The following ABHD16A variants were observed in gnomAD, a reference collection of about 807,000 sequenced individuals.
The protein encoded by ABHD16A is abhydrolase domain containing 16A, phospholipase, also known as phosphatidylserine lipase ABHD16A.
ABHD16A carries 47 observed loss-of-function variants against 89.8 expected under a neutral mutation model. That is an observed-to-expected ratio of 0.52 (90% CI 0.41 to 0.67). The LOEUF (loss-of-function observed/expected upper bound fraction) is 0.67. Among genes scored for constraint, ABHD16A ranks in the 30% least tolerant of loss-of-function variants. The pLI, the probability that ABHD16A is intolerant of heterozygous loss-of-function variation, is 0.00. For synonymous variants in ABHD16A, 251 were observed against 280.4 expected, an observed-to-expected ratio of 0.90 and a Z score of 1.05; for missense variants, 580 against 734.6, an observed-to-expected ratio of 0.79 and a Z score of 2.43.
At position 31,691,615 on chromosome 6, in the gene ABHD16A, G is replaced by A. The variant is rs1803884571; in HGVS notation, c.807C>T (p.Asp269=). 1.2e-6 allele frequency: 2 copies of A among 1,612,916 alleles called. No individual in the cohort carries two copies. The highest frequency in any genetic ancestry group is 8.5e-7 in the Non-Finnish European group (1 of 1,180,006). The change falls in exon 9 of 20, where the codon GAC becomes GAT. Residue 269 remains aspartate (D), a synonymous_variant. Coordinates refer to ENST00000395952, the MANE Select transcript of ABHD16A (RefSeq NM_021160.3). ...CCTGGGGCTCAGCTGTCCCCCGCCG[G>A]TCCACAAACATGGTGTCAATCTCAT... ...DGNEIDTMFV[D]RRGTAEPQGQ...
At chr6:31,694,537 C>T (rs1161634912) in intron 5 of ABHD16A, among the ~76,000 whole-genome samples, 1 of 151,994 alleles carries the variant, frequency 6.6e-6, no homozygotes, top group African/African-American at 2.4e-5. Context: ...CTACAGGTGC[C>T]TGCCACCACC....
rs774461373 is a variant in ABHD16A at position 31,689,713 on chromosome 6, G to A, written c.958-9C>T. 134 of 1,606,726 alleles carry A rather than the reference G, an allele frequency of 8.3e-5. No homozygotes were observed. Among genetic ancestry groups the A allele is most frequent in the Non-Finnish European group, 1.0e-4 (121 of 1,176,816 alleles). ...TGCGGGAATGGCACCCCCTGCAGGA[G>A]AAAGGGCAAAGTCAGGAGTGTGTCA... On this transcript the variant is annotated splice_polypyrimidine_tract_variant and intron_variant, in intron 11 of 19. Transcript: ENST00000395952.
Position 31,688,591 on chromosome 6 carries a change from G to A in ABHD16A, c.1250+132C>T. The A allele has an allele frequency of 9.1e-7, 1 of 1,096,604 alleles. No individual in the cohort carries two copies. Among genetic ancestry groups the A allele is most frequent in the Non-Finnish European group, 1.3e-6 (1 of 756,326 alleles). 67.9% of individuals were successfully genotyped at this position (1,096,604 alleles called of 1,614,324 possible). A position where few individuals can be genotyped will look rare whatever the true frequency, so the allele number is the denominator to read the frequency against. ...GAGGGGTTAGGCCAGTTGAGGTGGT[G>A]GCAGGGTCACTCAGGATGTGAGCCA... On this transcript the variant is annotated intron_variant, in intron 14 of 19. Coordinates refer to ENST00000395952, the MANE Select transcript of ABHD16A (RefSeq NM_021160.3). This position sits in a 1 kb window ranked among gnomAD's most constrained non-coding sequence, Gnocchi z 4.9.
intron 4 of ABHD16A, 44 bp from the exon 5 acceptor site, chr6:31,697,077 G>A: frequency 6.5e-7 from 1 of 1,548,614 alleles, no homozygotes; most frequent in Non-Finnish European, 8.9e-7. Flanking sequence ...AAACTGGGAA[G>A]CAGAAAGCCT....
At chr6:31,703,027 T>C in intron 1 of ABHD16A, 123 bp downstream of exon 1, 1 of 1,362,892 alleles carries the variant, frequency 7.3e-7, no homozygotes, top group Non-Finnish European at 9.5e-7. Flanking sequence ...GCGCAGATTT[T>C]GCGGATAACT....
intron 5 of ABHD16A, among the ~76,000 whole-genome samples, chr6:31,694,771 T>G (rs1372896315): frequency 6.6e-6 from 1 of 152,190 alleles, no homozygotes; most frequent in Non-Finnish European, 1.5e-5. Flanking sequence ...TTTTATTTTC[T>G]GCACAGAAAT....
At chr6:31,692,675 G>A in intron 7 of ABHD16A, 1 of 308,198 alleles carries the variant, frequency 3.2e-6, no homozygotes, top group Non-Finnish European at 6.1e-6. Context: ...ATAACAACAG[G>A]GCAGAGGGGC....
rs1336911021 is a variant in ABHD16A at position 31,687,761 on chromosome 6, C to T, written c.1448-21G>A. 6.2e-7 allele frequency: 1 copy of T among 1,612,896 alleles called. No homozygotes were observed. Among genetic ancestry groups the T allele is most frequent in the Admixed American group, 1.7e-5 (1 of 60,014 alleles). On this transcript the variant is annotated intron_variant, in intron 17 of 19. Coordinates refer to ENST00000395952, the MANE Select transcript of ABHD16A (RefSeq NM_021160.3). The surrounding 1 kb of genome is among the most constrained non-coding windows in gnomAD (Gnocchi z 6.3). ...TGAGGCTGGTCAGGGAGAGAGATGA[C>T]AGCCAGTCAGCAACCTGACCTTGCT...
In ABHD16A at chr6:31,690,247, A is replaced by C; in HGVS notation, c.908-120T>G. 1.0e-6 allele frequency: 1 copy of C among 957,304 alleles called. No individual in the cohort carries two copies. Among genetic ancestry groups the C allele is most frequent in the Non-Finnish European group, 1.5e-6 (1 of 649,272 alleles). The allele number at this position is 957,304 out of a possible 1,614,324, so 59.3% of individuals were successfully genotyped here. On this transcript the variant is annotated intron_variant, in intron 10 of 19. Transcript: ENST00000395952. This position sits in a 1 kb window ranked among gnomAD's most constrained non-coding sequence, Gnocchi z 4.1. The stretch of plus-strand genomic sequence containing the variant: ...GATGCAAATAACTCCAAGCCTTCCC[A>C]GAAATAGGAGATGACACCAGAGGTT...
In ABHD16A at chr6:31,697,009, T is replaced by A. The variant is rs775578492; in HGVS notation, c.368A>T (p.Gln123Leu). ...LRGIGRWTNP[Q>L]YRQFITILEA... Reference sequence around the variant, plus strand: ...CAAGATGGTGATGAACTGCCGGTACTGGGGGTTGGTCCAGCGGCCAATGCC... The same window carrying A: ...CAAGATGGTGATGAACTGCCGGTACAGGGGGTTGGTCCAGCGGCCAATGCC... Residue 123 changes from glutamine (Q) to leucine (L), a missense_variant, in exon 5 of 20, where the codon CAG becomes CTG. This residue lies in a region of ABHD16A where 165 missense variants were observed against 165.8 expected (regional missense o/e 1.00). Coordinates refer to ENST00000395952, the MANE Select transcript of ABHD16A (RefSeq NM_021160.3). 7 of 1,613,056 alleles carry A rather than the reference T, an allele frequency of 4.3e-6. No homozygotes were observed. In the East Asian group the frequency reaches 1.3e-4, roughly 31 times the overall value.
chr6:31,688,310 A>G lies in ABHD16A; in HGVS notation c.1251-5T>C. The G allele has an allele frequency of 6.2e-7, 1 of 1,613,946 alleles. No homozygotes were observed. The highest frequency in any genetic ancestry group is 8.5e-7 in the Non-Finnish European group (1 of 1,179,866). ...AGCAGTACAGGACCCTGGTATCTTC[A>G]GAGAACAGAGCAGTGGGAAGGGAGA... is the stretch of plus-strand genomic sequence containing the variant. On this transcript the variant is annotated splice_polypyrimidine_tract_variant and splice_region_variant and intron_variant, in intron 14 of 19. Coordinates refer to ENST00000395952, the MANE Select transcript of ABHD16A (RefSeq NM_021160.3). This position sits in a 1 kb window ranked among gnomAD's most constrained non-coding sequence, Gnocchi z 4.9.
Position 31,690,139 on chromosome 6 carries a change from G to A in ABHD16A, c.908-12C>T, listed in dbSNP as rs201478181. 6 of 1,586,072 alleles carry A rather than the reference G, an allele frequency of 3.8e-6. No homozygotes were observed. The highest frequency in any genetic ancestry group is 5.1e-6 in the Non-Finnish European group (6 of 1,166,448). On this transcript the variant is annotated splice_polypyrimidine_tract_variant and intron_variant, in intron 10 of 19. Transcript: ENST00000395952. This position sits in a 1 kb window ranked among gnomAD's most constrained non-coding sequence, Gnocchi z 4.1. ...GACTGAATATCCAGCTGTAACACAG[G>A]GGGAGGAGGGACTGAGACCTTGTGG...
At chr6:31,702,463 C>T in intron 1 of ABHD16A, 24 of 837,574 alleles carry the variant, frequency 2.9e-5, no homozygotes, top group Non-Finnish European at 4.1e-5. Flanking sequence ...AAAGAAAAGA[C>T]ACCTAGACAA....
intron 1 of ABHD16A, chr6:31,702,936 G>A: frequency 7.7e-7 from 1 of 1,294,250 alleles, no homozygotes; most frequent in Non-Finnish European, 9.8e-7. Flanking sequence ...AGTGGCAGTC[G>A]GAATGAGAAA....
chr6:31,688,013 C>T lies in ABHD16A; in HGVS notation c.1370+28G>A, dbSNP rs1466557717. The T allele has an allele frequency of 3.1e-6, 5 of 1,611,350 alleles. No individual in the cohort carries two copies. Among genetic ancestry groups the T allele is most frequent in the Non-Finnish European group, 4.2e-6 (5 of 1,178,798 alleles). On this transcript the variant is annotated intron_variant, in intron 16 of 19. Coordinates refer to ENST00000395952, the MANE Select transcript of ABHD16A (RefSeq NM_021160.3). This position sits in a 1 kb window ranked among gnomAD's most constrained non-coding sequence, Gnocchi z 4.9. The stretch of plus-strand genomic sequence containing the variant: ...TCAGTATCTGTGTGTGTACACTGCC[C>T]CCAGCGCGCACACACCCTGGCTCTC...
chr6:31,688,921 T>C lies in ABHD16A; in HGVS notation c.1186+94A>G. 1 of 1,413,622 alleles carries C rather than the reference T, an allele frequency of 7.1e-7. No homozygotes were observed. Among genetic ancestry groups the C allele is most frequent in the African/African-American group, 1.4e-5 (1 of 69,868 alleles). The allele number at this position is 1,413,622 out of a possible 1,614,324, so 87.6% of individuals were successfully genotyped here. ...TCCTGCTTCCAACAATGGGGCGACT[T>C]ACTCCCCACCCAAGAAAAGGGAGCC... On this transcript the variant is annotated intron_variant, in intron 13 of 19. Coordinates refer to ENST00000395952, the MANE Select transcript of ABHD16A (RefSeq NM_021160.3). This position sits in a 1 kb window ranked among gnomAD's most constrained non-coding sequence, Gnocchi z 4.9.
Position 31,690,002 on chromosome 6 carries a change from C to G in ABHD16A, c.957+76G>C. ...CGCCTTCAAGAAATCCACAGCCCCT[C>G]TCCTCCCTCCAATGGCTGACCAGAG... On this transcript the variant is annotated intron_variant, in intron 11 of 19. Coordinates refer to ENST00000395952, the MANE Select transcript of ABHD16A (RefSeq NM_021160.3). This position sits in a 1 kb window ranked among gnomAD's most constrained non-coding sequence, Gnocchi z 4.1. 5 of 1,462,414 alleles carry G rather than the reference C, an allele frequency of 3.4e-6. No homozygotes were observed. The highest frequency in any genetic ancestry group is 2.2e-5 in the Admixed American group (1 of 44,564). The allele number at this position is 1,462,414 out of a possible 1,614,324, so 90.6% of individuals were successfully genotyped here.
chr6:31,693,299 G>A lies in ABHD16A; in HGVS notation c.503+60C>T, dbSNP rs1484172229. 36 of 1,602,532 alleles carry A rather than the reference G, an allele frequency of 2.2e-5. No homozygotes were observed. Among genetic ancestry groups the A allele is most frequent in the Non-Finnish European group, 3.4e-6 (4 of 1,171,184 alleles). ...GAGGGCATGGAGGTGGGAGGGCAGA[G>A]CAGAGATTTTCTGGAATGGTTCTAA... is the stretch of plus-strand genomic sequence containing the variant. On this transcript the variant is annotated intron_variant, in intron 6 of 19. Transcript: ENST00000395952. This position sits in a 1 kb window ranked among gnomAD's most constrained non-coding sequence, Gnocchi z 5.0.
At chr6:31,692,745 A>ACCCCCC in intron 7 of ABHD16A, 1 of 107,218 alleles carries the variant, frequency 9.3e-6, no homozygotes, top group South Asian at 1.2e-4. Context: ...TGTCCTCCCC[A>ACCCCCC]CCCCCACCCC....
Sources: allele counts gnomAD v4.1 joint callset (sites outside exome capture counted in the v4.1 genomes callset), GRCh38; gene constraint gnomAD v4.1.1; regional missense constraint gnomAD v4.1.1; non-coding constraint Gnocchi (gnomAD v3.1); transcripts MANE v1.5; gene names NCBI Gene and HGNC (gene_info 2026-07-23, HGNC 2026-07-21).